Variants in DHX36 observed in about 807,000 individuals in gnomAD.
DHX36 encodes ATP-dependent DNA/RNA helicase DHX36.
In DHX36, 50 loss-of-function variants were observed where a neutral mutation model predicts 139.0. The ratio of observed to expected loss-of-function variants is 0.36; its 90% confidence interval spans 0.29 to 0.46. DHX36 has a LOEUF of 0.46. DHX36 is among the 20% of genes least tolerant of loss of function. The probability of loss-of-function intolerance (pLI) is 1.00; values close to 1 mark genes in which losing one functional copy is unlikely to be tolerated. For missense variants in DHX36, 1,024 were observed against 1,211.3 expected (o/e 0.85, Z 2.29); for synonymous variants, 425 against 401.9 (o/e 1.06, Z -0.69).
At chr3:154,287,792 A>G (rs1322873301) in intron 17 of DHX36, among the ~76,000 whole-genome samples, 4 of 152,218 alleles carry the variant, frequency 2.6e-5, no homozygotes, top group Admixed American at 2.6e-4. Context: ...ATGATCTGCA[A>G]CCTAACAGAA....
At chr3:154,293,710 T>C (rs370780025) in intron 14 of DHX36, 38 bp downstream of exon 14, 16 of 1,451,028 alleles carry the variant, frequency 1.1e-5, no homozygotes, top group Non-Finnish European at 1.5e-5. Flanking sequence ...TTAAAACTTA[T>C]GTAATCATCA....
At position 154,277,730 on chromosome 3, in the gene DHX36, G is replaced by C. The variant is rs1719195238; in HGVS notation, c.2568-12C>G. 6.3e-7 allele frequency: 1 copy of C among 1,587,274 alleles called. No homozygotes were observed. The highest frequency in any genetic ancestry group is 1.3e-5 in the African/African-American group (1 of 74,366). ...TGTAAACTTTTACCCTTTAAAAAAA[G>C]TTAAAATGCAGTTTGTTAAAAAGAA... is the stretch of plus-strand genomic sequence containing the variant. On this transcript the variant is annotated splice_polypyrimidine_tract_variant and intron_variant, in intron 22 of 24. Coordinates refer to ENST00000496811, the MANE Select transcript of DHX36 (RefSeq NM_020865.3).
chr3:154,288,220 A>G (rs2108340063), intron 17 of DHX36, among the ~76,000 whole-genome samples: 1 of 151,898 alleles, frequency 6.6e-6, no homozygotes, highest in South Asian at 2.1e-4. Flanking sequence ...TTTGAATCTC[A>G]TAATATTAAG....
Position 154,276,054 on chromosome 3 carries a change from G to A in DHX36, c.*117C>T, listed in dbSNP as rs1213950119. 1 of 838,356 alleles carries A rather than the reference G, an allele frequency of 1.2e-6. No homozygotes were observed. Among genetic ancestry groups the A allele is most frequent in the South Asian group, 1.9e-5 (1 of 53,102 alleles). The allele number at this position is 838,356 out of a possible 1,614,324, so 51.9% of individuals were successfully genotyped here. A position where few individuals can be genotyped will look rare whatever the true frequency, so the allele number is the denominator to read the frequency against. On this transcript the variant is annotated 3_prime_UTR_variant, in exon 25 of 25. Coordinates refer to ENST00000496811, the MANE Select transcript of DHX36 (RefSeq NM_020865.3). ...ATTAAGTCTTTACTACCTACTGAAG[G>A]CTTCTACCTTACACATGAAAATTGT...
At chr3:154,290,558 C>T (rs143829328) in intron 15 of DHX36, among the ~76,000 whole-genome samples, 279 of 149,320 alleles carry the variant, frequency 1.9e-3, no homozygotes, top group African/African-American at 6.7e-3. Context: ...ATCACTTGAA[C>T]CCAGGAGGCA....
At chr3:154,311,970 C>T in intron 3 of DHX36, 1 of 245,962 alleles carries the variant, frequency 4.1e-6, no homozygotes, top group South Asian at 1.2e-4. Flanking sequence ...AAATTACTTT[C>T]ACTATTTTTC....
In DHX36 at chr3:154,276,197, G is replaced by C; in HGVS notation, c.3001C>G (p.Arg1001Gly). 1.2e-6 allele frequency: 2 copies of C among 1,612,618 alleles called. No homozygotes were observed. Among genetic ancestry groups the C allele is most frequent in the Non-Finnish European group, 1.7e-6 (2 of 1,179,474 alleles). ...EKATPRNFPPRFQDGYYS is the reference protein window; with the variant it reads ...EKATPRNFPPGFQDGYYS ...CAGCTGTAATATCCATCCTGGAATCGTGGCGGAAAGTTCCTGGGAGTTGCC... is the reference window on the plus strand; with the variant it reads ...CAGCTGTAATATCCATCCTGGAATCCTGGCGGAAAGTTCCTGGGAGTTGCC... Residue 1001 changes from arginine to glycine, a missense_variant, in exon 25 of 25, where the codon CGA (arginine) becomes GGA (glycine). By Grantham distance (125) the Arg-to-Gly change is moderately radical. Transcript: ENST00000496811.
At chr3:154,296,245 C>A (rs888248346) in intron 12 of DHX36, among the ~76,000 whole-genome samples, 3 of 152,074 alleles carry the variant, frequency 2.0e-5, no homozygotes, top group Admixed American at 2.0e-4. Context: ...GAGGCCGAGG[C>A]GGGCGGATCA....
rs1469232305 is a variant in DHX36 at position 154,315,295 on chromosome 3, T to C, written c.369-15A>G. On this transcript the variant is annotated splice_polypyrimidine_tract_variant and intron_variant, in intron 2 of 24. Coordinates refer to ENST00000496811, the MANE Select transcript of DHX36 (RefSeq NM_020865.3). ...CAGTACCGTATCTGTTTTGACAAAATAAGAAAGGAAGAAAGGTCAGATGAG... is the reference window on the plus strand; with the variant it reads ...CAGTACCGTATCTGTTTTGACAAAACAAGAAAGGAAGAAAGGTCAGATGAG... 5.0e-6 allele frequency: 8 copies of C among 1,587,802 alleles called. No individual in the cohort carries two copies. The East Asian group carries it at 1.8e-4, about 36-fold the overall frequency.
At chr3:154,302,162 T>C (rs1041264911) in intron 9 of DHX36, among the ~76,000 whole-genome samples, 7 of 151,496 alleles carry the variant, frequency 4.6e-5, no homozygotes, top group African/African-American at 1.7e-4. Context: ...GAGGAACTAT[T>C]GTATTAGCAC....
intron 22 of DHX36, chr3:154,278,670 G>C (rs1257064607): frequency 3.3e-5 from 5 of 152,064 alleles, no homozygotes; most frequent in Admixed American, 6.5e-5. Flanking sequence ...AGTAGAGATG[G>C]GGTTTCACCA....
In DHX36 at chr3:154,286,166, C is replaced by CAAAAA. The variant is rs60041573; in HGVS notation, c.2032-1184_2032-1180dup. Among the ~76,000 whole-genome samples the CAAAAA allele has an allele frequency of 9.1e-4, 15 of 16,556 alleles. 1 individual carries two copies. Among genetic ancestry groups the CAAAAA allele is most frequent in the African/African-American group, 2.5e-3 (13 of 5,278 alleles). 10.9% of individuals were successfully genotyped at this position (16,556 alleles called of 152,430 possible). A position where few individuals can be genotyped will look rare whatever the true frequency, so the allele number is the denominator to read the frequency against. ...TAACGTAATAAGAGCTTCCACACACCAAAAAAAAAAAAAAAAAAAAAAAAA... is the reference window on the plus strand; with the variant it reads ...TAACGTAATAAGAGCTTCCACACACCAAAAAAAAAAAAAAAAAAAAAAAAAAAAAA... On this transcript the variant is annotated intron_variant, in intron 17 of 24. Transcript: ENST00000496811.
At chr3:154,299,234 C>G (rs895144318) in intron 12 of DHX36, among the ~76,000 whole-genome samples, 1 of 152,170 alleles carries the variant, frequency 6.6e-6, no homozygotes, top group Non-Finnish European at 1.5e-5. Flanking sequence ...GATGGCATCA[C>G]TGCACTCCAA....
chr3:154,310,807 ATATATATATATATATATATATATAT>A lies in DHX36; in HGVS notation c.642+804_642+828del, dbSNP rs1301067090. Among the ~76,000 whole-genome samples the A allele has an allele frequency of 5.1e-3, 36 of 7,052 alleles. 2 individuals are homozygous for A. The highest frequency in any genetic ancestry group is 0.014 in the African/African-American group (24 of 1,774). 4.6% of individuals were successfully genotyped at this position (7,052 alleles called of 152,430 possible). A position where few individuals can be genotyped will look rare whatever the true frequency, so the allele number is the denominator to read the frequency against. The stretch of plus-strand genomic sequence containing the variant: ...AAAAAAAAAAAAAAAAAAAAAAAAA[ATATATATATATATATATATATATAT>A]ATATATATATATATATATATGTATA... On this transcript the variant is annotated intron_variant, in intron 4 of 24. Coordinates refer to ENST00000496811, the MANE Select transcript of DHX36 (RefSeq NM_020865.3).
intron 13 of DHX36, among the ~76,000 whole-genome samples, chr3:154,294,214 G>T (rs752935830): frequency 7.2e-5 from 11 of 151,888 alleles, no homozygotes; most frequent in Non-Finnish European, 1.5e-4. Flanking sequence ...CAACCCAGCA[G>T]AACAAATGTC....
Position 154,276,771 on chromosome 3 carries a change from T to C in DHX36, c.2817A>G (p.Pro939=). ...AVDEWIVFQS[P]ARIAHLVKEL... is the part of the protein sequence containing the mutation. ...CCTTAACAAGATGGGCAATTCTTGC[T>C]GGAGACTGAAATACAATCCACTCAT... Residue 939 remains proline, a synonymous_variant, in exon 24 of 25, where the codon CCA becomes CCG. Coordinates refer to ENST00000496811, the MANE Select transcript of DHX36 (RefSeq NM_020865.3). The C allele has an allele frequency of 1.9e-6, 3 of 1,613,848 alleles. No homozygotes were observed. The highest frequency in any genetic ancestry group is 1.7e-6 in the Non-Finnish European group (2 of 1,179,904).
At chr3:154,321,870 T>G (rs1713198134) in intron 1 of DHX36, among the ~76,000 whole-genome samples, 1 of 142,604 alleles carries the variant, frequency 7.0e-6, no homozygotes, top group Non-Finnish European at 1.5e-5. Flanking sequence ...GAGGGTGCAG[T>G]GAGCCGAGAT....
intron 20 of DHX36, 96 bp from the exon 21 acceptor site, chr3:154,280,958 C>T (rs1314624024): frequency 1.1e-6 from 1 of 898,440 alleles, no homozygotes; most frequent in Admixed American, 2.7e-5. Context: ...TAAGCTATCC[C>T]TGCTTTATGA....
At chr3:154,292,158 A>G (rs1711846721) in intron 15 of DHX36, among the ~76,000 whole-genome samples, 1 of 152,218 alleles carries the variant, frequency 6.6e-6, no homozygotes, top group Admixed American at 6.5e-5. Flanking sequence ...AAATGGATAT[A>G]ATAACCTACC....
Sources: allele counts gnomAD v4.1 joint callset (sites outside exome capture counted in the v4.1 genomes callset), GRCh38; gene constraint gnomAD v4.1.1; transcripts MANE v1.5; gene names NCBI Gene and HGNC (gene_info 2026-07-23, HGNC 2026-07-21).